Variants in CELSR1 observed in about 807,000 individuals in gnomAD.
CELSR1 encodes adhesion G protein-coupled receptor C1.
CELSR1 carries 110 observed loss-of-function variants against 249.1 expected under a neutral mutation model. That is an observed-to-expected ratio of 0.44 (90% CI 0.38 to 0.52). CELSR1 has a LOEUF of 0.52. Ranked by LOEUF, CELSR1 falls within the 20% of genes least tolerant of loss-of-function variation. The pLI, the probability that CELSR1 is intolerant of heterozygous loss-of-function variation, is 0.00. For synonymous variants in CELSR1, 2,113 were observed against 1,900.0 expected (o/e 1.11, Z -2.92); for missense variants, 4,109 against 4,296.4 (o/e 0.96, Z 1.22).
At chr22:46,416,819 G>A (rs978797640) in intron 5 of CELSR1, among the ~76,000 whole-genome samples, 8 of 152,066 alleles carry the variant, frequency 5.3e-5, no homozygotes, top group South Asian at 2.1e-4. Context: ...GCCGCTCTAC[G>A]CAGTGCTGGG....
rs2080815813 is a variant in CELSR1, at chr22:46,533,676, G to A, written c.3495C>T (p.Asp1165=). Reference sequence around the variant, plus strand: ...CCTCCAGCGGCCGGTTGTTGTCCAGGTCGCGGCTGAGCTGCAGTTCGCCCG... The same window carrying A: ...CCTCCAGCGGCCGGTTGTTGTCCAGATCGCGGCTGAGCTGCAGTTCGCCCG... ...PATGELQLSR[D]LDNNRPLEAL... Residue 1165 remains aspartate (D), a synonymous_variant, in exon 1 of 35, where the codon GAC becomes GAT. Transcript: ENST00000674500. 1 of 1,606,788 alleles carries A rather than the reference G, an allele frequency of 6.2e-7. No homozygotes were observed. The highest frequency in any genetic ancestry group is 8.5e-7 in the Non-Finnish European group (1 of 1,178,234).
Position 46,384,593 on chromosome 22 carries a change from T to C in CELSR1, c.6833A>G (p.Glu2278Gly), listed in dbSNP as rs772350000. ...TIHEEFPREL[E>G]SSVSFPADFF... ...GTCGGCTGGGAAGGAGACGGAGGAC[T>C]CCAGCTCCCTGGGGAACTCTTCATG... The change falls in exon 20 of 35, where the codon GAG (glutamate) becomes GGG (glycine). Residue 2278 changes from glutamate to glycine, a missense_variant. Coordinates refer to ENST00000674500, the MANE Select transcript of CELSR1 (RefSeq NM_001378328.1). The C allele has an allele frequency of 6.2e-7, 1 of 1,613,768 alleles. No homozygotes were observed. The highest frequency in any genetic ancestry group is 1.1e-5 in the South Asian group (1 of 90,922).
intron 1 of CELSR1, among the ~76,000 whole-genome samples, chr22:46,492,110 G>A (rs978804665): frequency 9.9e-5 from 15 of 152,216 alleles, no homozygotes; most frequent in African/African-American, 3.4e-4. Context: ...GACCTGCAAT[G>A]GCAGAAGCAG....
rs1377108308 is a variant in CELSR1, at chr22:46,433,083, G to C, written c.4611+310C>G. On this transcript the variant is annotated intron_variant, in intron 5 of 34. Transcript: ENST00000674500. The surrounding 1 kb of genome is among the most constrained non-coding windows in gnomAD (Gnocchi z 5.7). ...GCTCTGTTACCCAGGCTGGAATACA[G>C]TGGCACGATCTCGGCTCACTGTAAC... Among the ~76,000 whole-genome samples the C allele has an allele frequency of 6.6e-6, 1 of 151,810 alleles. No individual in the cohort carries two copies. Among genetic ancestry groups the C allele is most frequent in the African/African-American group, 2.4e-5 (1 of 41,316 alleles).
At chr22:46,400,529 C>A (rs1454499886) in intron 9 of CELSR1, among the ~76,000 whole-genome samples, 1 of 152,072 alleles carries the variant, frequency 6.6e-6, no homozygotes, top group African/African-American at 2.4e-5. Context: ...CCCGGCTACT[C>A]CGCAGGCTAA....
At position 46,381,638 on chromosome 22, in the gene CELSR1, C is replaced by T. The variant is rs903203669; in HGVS notation, c.7088+208G>A. On this transcript the variant is annotated intron_variant, in intron 21 of 34. Transcript: ENST00000674500. The surrounding 1 kb of genome is among the most constrained non-coding windows in gnomAD (Gnocchi z 6.0). The stretch of plus-strand genomic sequence containing the variant: ...AGGATGAGCCCAGGCAAAGGGTGTG[C>T]AATGTTCCAGGGTGTGGTATCCTGT... Among the ~76,000 whole-genome samples, 2 of 152,192 alleles carry T rather than the reference C, an allele frequency of 1.3e-5. No individual in the cohort carries two copies. The highest frequency in any genetic ancestry group is 2.9e-5 in the Non-Finnish European group (2 of 68,032).
rs1002507134 is a variant in CELSR1, at chr22:46,408,165, G to T, written c.5226+831C>A. Reference sequence around the variant, plus strand: ...TCGAATCACCTTCTAAAAGCTGTTCGGAATTTTTATCCAACAAATAAACTT... The same window carrying T: ...TCGAATCACCTTCTAAAAGCTGTTCTGAATTTTTATCCAACAAATAAACTT... On this transcript the variant is annotated intron_variant, in intron 9 of 34. Transcript: ENST00000674500. This position sits in a 1 kb window ranked among gnomAD's most constrained non-coding sequence, Gnocchi z 4.6. 6.6e-6 allele frequency among the ~76,000 whole-genome samples: 1 copy of T among 152,170 alleles called. No homozygotes were observed. The highest frequency in any genetic ancestry group is 1.5e-5 in the Non-Finnish European group (1 of 68,028).
chr22:46,390,256 C>G lies in CELSR1; in HGVS notation c.6345+136G>C. 3.0e-6 allele frequency: 2 copies of G among 667,986 alleles called. No individual in the cohort carries two copies. The highest frequency in any genetic ancestry group is 4.9e-6 in the Non-Finnish European group (2 of 411,004). 41.4% of individuals were successfully genotyped at this position (667,986 alleles called of 1,614,324 possible). Reference sequence around the variant, plus strand: ...AACCTGCTGGCTCCAGGCTGCGGGCCCGTGGGGCTGTCCCTGCGCCATCCC... The same window carrying G: ...AACCTGCTGGCTCCAGGCTGCGGGCGCGTGGGGCTGTCCCTGCGCCATCCC... On this transcript the variant is annotated intron_variant, in intron 17 of 34. Transcript: ENST00000674500. The surrounding 1 kb of genome is among the most constrained non-coding windows in gnomAD (Gnocchi z 6.3).
At chr22:46,511,622 C>A (rs951011731) in intron 1 of CELSR1, among the ~76,000 whole-genome samples, 2 of 152,222 alleles carry the variant, frequency 1.3e-5, no homozygotes, top group African/African-American at 4.8e-5. Context: ...AAGCTCAGGG[C>A]AGTCAGTGGG....
intron 2 of CELSR1, among the ~76,000 whole-genome samples, chr22:46,452,270 A>G (rs1458734154): frequency 2.0e-5 from 3 of 152,080 alleles, no homozygotes; most frequent in African/African-American, 7.2e-5. Context: ...CATCTCCTGG[A>G]GCCTACACAG....
intron 1 of CELSR1, among the ~76,000 whole-genome samples, chr22:46,525,461 A>AAG (rs1416051048): frequency 6.6e-6 from 1 of 151,816 alleles, no homozygotes; most frequent in East Asian, 1.9e-4. Context: ...AAAAAAAAAA[A>AAG]AAGAGGGTTG....
chr22:46,457,639 C>T (rs926620995), intron 2 of CELSR1, among the ~76,000 whole-genome samples: 5 of 152,184 alleles, frequency 3.3e-5, no homozygotes, highest in Admixed American at 6.5e-5. Context: ...GCTCACAGCG[C>T]GGACAGAGAT....
intron 1 of CELSR1, among the ~76,000 whole-genome samples, chr22:46,470,361 C>G (rs937855617): frequency 6.6e-6 from 1 of 151,808 alleles, no homozygotes; most frequent in African/African-American, 2.4e-5. Context: ...GTGCCCTGAG[C>G]TACTCTGACC....
Position 46,455,916 on chromosome 22 carries a change from G to A in CELSR1, c.4183+7791C>T, listed in dbSNP as rs192610301. On this transcript the variant is annotated intron_variant, in intron 2 of 34. Coordinates refer to ENST00000674500, the MANE Select transcript of CELSR1 (RefSeq NM_001378328.1). Reference sequence around the variant, plus strand: ...AATAATGCCCCAGCTTTACAGCTACGTACCAGGGACATGGCAAATCTCAAA... The same window carrying A: ...AATAATGCCCCAGCTTTACAGCTACATACCAGGGACATGGCAAATCTCAAA... 5.9e-5 allele frequency among the ~76,000 whole-genome samples: 9 copies of A among 152,334 alleles called. No homozygotes were observed. In the East Asian group the frequency reaches 7.7e-4, roughly 13 times the overall value.
chr22:46,458,248 C>T (rs543157523), intron 2 of CELSR1, among the ~76,000 whole-genome samples: 2 of 152,230 alleles, frequency 1.3e-5, no homozygotes, highest in East Asian at 1.9e-4. Context: ...GGGGGTGAGG[C>T]TAGACCTCTG....
At chr22:46,496,924 A>G (rs1049563155) in intron 1 of CELSR1, among the ~76,000 whole-genome samples, 8 of 152,186 alleles carry the variant, frequency 5.3e-5, no homozygotes, top group African/African-American at 1.7e-4. Flanking sequence ...TACAGTAAAT[A>G]CATACAGTAA....
rs6008887 is a variant in CELSR1, at chr22:46,517,573, G to A, written c.3544+16054C>T. ...AGTAAGGTGCCCCTGCAGACACGCC[G>A]CAAAACACGCCCCTGAGCTTCCCGT... On this transcript the variant is annotated intron_variant, in intron 1 of 34. Transcript: ENST00000674500. The surrounding 1 kb of genome is among the most constrained non-coding windows in gnomAD (Gnocchi z 5.4). 3.9e-5 allele frequency among the ~76,000 whole-genome samples: 6 copies of A among 152,114 alleles called. No homozygotes were observed. The highest frequency in any genetic ancestry group is 1.2e-4 in the African/African-American group (5 of 41,422).
chr22:46,476,167 T>C (rs1283169966), intron 1 of CELSR1, among the ~76,000 whole-genome samples: 2 of 152,000 alleles, frequency 1.3e-5, no homozygotes, highest in African/African-American at 4.8e-5. Context: ...AAAACATACA[T>C]CCACACAACT....
Position 46,363,230 on chromosome 22 carries a change from G to A in CELSR1, c.9053C>T (p.Ser3018Leu), listed in dbSNP as rs1333485068. The A allele has an allele frequency of 1.2e-6, 2 of 1,613,346 alleles. No individual in the cohort carries two copies. The highest frequency in any genetic ancestry group is 1.1e-5 in the South Asian group (1 of 91,064). Reference protein sequence around the residue: ...GSDSEGSNETSI With the variant: ...GSDSEGSNETLI ...AGTTTCATTACTGATGGTTCAAATT[G>A]AAGTTTCATTACTGCCTCTGCGCGT... Residue 3018 changes from serine to leucine, a missense_variant, in exon 35 of 35, where the codon TCA (serine) becomes TTA (leucine). Coordinates refer to ENST00000674500, the MANE Select transcript of CELSR1 (RefSeq NM_001378328.1). This position sits in a 1 kb window ranked among gnomAD's most constrained non-coding sequence, Gnocchi z 4.3.
Sources: gnomAD v4.1 joint callset for allele counts (sites outside exome capture counted in the v4.1 genomes callset) on GRCh38, gnomAD v4.1.1 for gene constraint, Gnocchi (gnomAD v3.1) non-coding constraint, MANE v1.5 for transcripts, NCBI Gene and HGNC (gene_info 2026-07-23, HGNC 2026-07-21) for gene names.